Variants in TEP1 observed in about 807,000 individuals in gnomAD.
The protein encoded by TEP1 is telomerase protein component 1.
TEP1 carries 241 observed loss-of-function variants against 306.3 expected under a neutral mutation model. That is an observed-to-expected ratio of 0.79 (90% CI 0.71 to 0.88). The LOEUF is 0.88. Among genes scored for constraint, TEP1 ranks in the 40% least tolerant of loss-of-function variants. The pLI is 0.00. For synonymous variants in TEP1, 1,289 were observed against 1,305.5 expected (o/e 0.99, Z 0.27); for missense variants, 3,051 against 3,276.1 (o/e 0.93, Z 1.68).
chr14:20,378,657 C>T (rs1401658948), intron 37 of TEP1, 97 bp downstream of exon 37: 1 of 1,578,822 alleles, frequency 6.3e-7, no homozygotes, highest in African/African-American at 1.3e-5. Context: ...CTTCTCTGGC[C>T]AGGGAGTCAG....
rs1486006930 is a variant in TEP1, at chr14:20,377,561, T to C, written c.5875+39A>G. The C allele has an allele frequency of 2.5e-6, 4 of 1,613,624 alleles. No individual in the cohort carries two copies. In the African/African-American group the frequency reaches 4.0e-5, roughly 16 times the overall value. ...GGTAGGGGGCAGGGGCTGCGCTCTT[T>C]CTAAAGGCTCAAAAACCCACCCATT... On this transcript the variant is annotated intron_variant, in intron 40 of 54. Coordinates refer to ENST00000262715, the MANE Select transcript of TEP1 (RefSeq NM_007110.5).
chr14:20,408,024 G>A lies in TEP1; in HGVS notation c.416C>T (p.Ala139Val), dbSNP rs142049486. ...QSLQISHMTQ[A>V]DLYRVNNSNC... ...GCTGTTGTTCACACGGTACAAATCA[G>A]CTTGCGTCATGTGAGATATCTGTAG... is the stretch of plus-strand genomic sequence containing the variant. Residue 139 changes from alanine (A) to valine (V), a missense_variant, in exon 2 of 55, where the codon GCT becomes GTT. Transcript: ENST00000262715. 13 of 1,614,196 alleles carry A rather than the reference G, an allele frequency of 8.1e-6. No individual in the cohort carries two copies. The highest frequency in any genetic ancestry group is 1.1e-5 in the Non-Finnish European group (13 of 1,180,044).
intron 17 of TEP1, among the ~76,000 whole-genome samples, chr14:20,388,319 C>CG (rs1312571041): frequency 6.6e-6 from 1 of 152,094 alleles, no homozygotes; most frequent in Non-Finnish European, 1.5e-5. Flanking sequence ...GCTGTTGGGC[C>CG]GGGGCAACGG....
At chr14:20,391,151 T>G (rs1046482310) in intron 13 of TEP1, 55 bp from the exon 14 acceptor site, 3 of 1,587,550 alleles carry the variant, frequency 1.9e-6, no homozygotes, top group Non-Finnish European at 2.6e-6. Flanking sequence ...AATTCACCCT[T>G]GCCCAGCCAG....
At chr14:20,383,952 T>A in intron 24 of TEP1, 34 bp from the exon 25 acceptor site, 1 of 1,591,776 alleles carries the variant, frequency 6.3e-7, no homozygotes, top group Non-Finnish European at 8.5e-7. Flanking sequence ...CATGGTCACA[T>A]TTTACATGCC....
At chr14:20,377,225 AAAAAG>A (rs1196421302) in intron 41 of TEP1, 50 bp downstream of exon 41, 25 of 1,455,752 alleles carry the variant, frequency 1.7e-5, no homozygotes, top group Middle Eastern at 1.8e-4. Flanking sequence ...TAAAAAAAAA[AAAAAG>A]AAAAGAAAAG....
At chr14:20,397,661 T>C (rs1451228321) in intron 9 of TEP1, among the ~76,000 whole-genome samples, 1 of 152,244 alleles carries the variant, frequency 6.6e-6, no homozygotes, top group African/African-American at 2.4e-5. Flanking sequence ...GTGAAAAAGA[T>C]TTGCACTGGA....
chr14:20,396,952 CAGA>C (rs540587691), intron 9 of TEP1, among the ~76,000 whole-genome samples: 145 of 151,568 alleles, frequency 9.6e-4, no homozygotes, highest in Non-Finnish European at 1.4e-3. Context: ...GCAAGAAGTT[CAGA>C]AACCAGGCAT....
Position 20,386,596 on chromosome 14 carries a change from T to C in TEP1, c.2712A>G (p.Ser904=), listed in dbSNP as rs1434905655. Residue 904 remains serine (S), a synonymous_variant, in exon 19 of 55, where the codon TCA becomes TCG. Coordinates refer to ENST00000262715, the MANE Select transcript of TEP1 (RefSeq NM_007110.5). ...QGWRSIRLFI[S]STFRDMHGER... ...CCCCATGCATGTCTCGGAAAGTGGA[T>C]GAAATGAAAAGCCGGATGCTGCGCC... The C allele has an allele frequency of 1.2e-6, 2 of 1,606,476 alleles. No homozygotes were observed. The highest frequency in any genetic ancestry group is 1.7e-6 in the Non-Finnish European group (2 of 1,174,672).
At chr14:20,375,403 C>G (rs1885116581) in intron 43 of TEP1, among the ~76,000 whole-genome samples, 1 of 152,106 alleles carries the variant, frequency 6.6e-6, no homozygotes, top group African/African-American at 2.4e-5. Flanking sequence ...ATCCACTCGC[C>G]TCGGCCTCCC....
In TEP1 at chr14:20,401,593, T is replaced by C. The variant is rs111891244; in HGVS notation, c.1267-12A>G. On this transcript the variant is annotated splice_polypyrimidine_tract_variant and intron_variant, in intron 7 of 54. Transcript: ENST00000262715. ...CCGGCCTTCTCAAACTGTGGAAACATCCCCAAGTCCCACAGGGGTCCTTTC... is the reference window on the plus strand; with the variant it reads ...CCGGCCTTCTCAAACTGTGGAAACACCCCCAAGTCCCACAGGGGTCCTTTC... The C allele has an allele frequency of 2.0e-3, 3,283 of 1,613,802 alleles. 42 individuals are homozygous for C. The African/African-American group carries it at 0.036, about 17-fold the overall frequency.
At position 20,383,279 on chromosome 14, in the gene TEP1, G is replaced by A. The variant is rs142420008; in HGVS notation, c.3942C>T (p.His1314=). Residue 1314 remains histidine, a synonymous_variant, in exon 27 of 55, where the codon CAC becomes CAT. Transcript: ENST00000262715. ...GETLEQSQGA[H]VLALGPLEAS... The stretch of plus-strand genomic sequence containing the variant: ...CCTCCAGAGGCCCCAAGGCCAGCAC[G>A]TGGGCACCCTGGCTCTGCTCAAGGG... 348 of 1,613,670 alleles carry A rather than the reference G, an allele frequency of 2.2e-4. 1 individual carries two copies. The African/African-American group carries it at 2.8e-3, about 13-fold the overall frequency.
intron 12 of TEP1, among the ~76,000 whole-genome samples, chr14:20,393,285 T>C (rs1215554219): frequency 6.6e-6 from 1 of 152,194 alleles, no homozygotes; most frequent in East Asian, 1.9e-4. Context: ...CTGATAGTTT[T>C]ATGAAAGTCT....
chr14:20,392,794 A>G (rs1023734837), intron 12 of TEP1, among the ~76,000 whole-genome samples: 5 of 152,260 alleles, frequency 3.3e-5, no homozygotes, highest in African/African-American at 1.2e-4. Flanking sequence ...TGACATTCTC[A>G]TTGTATAAAA....
At position 20,379,985 on chromosome 14, in the gene TEP1, G is replaced by A; in HGVS notation, c.5072C>T (p.Ala1691Val). 1 of 1,614,176 alleles carries A rather than the reference G, an allele frequency of 6.2e-7. No homozygotes were observed. The change falls in exon 35 of 55, where the codon GCA (alanine) becomes GTA (valine). Residue 1691 changes from alanine to valine, a missense_variant. Ala to Val is a moderately conservative substitution (Grantham distance 64). Around this residue, in one of 3 missense-constraint regions of TEP1, gnomAD observed 1,540 missense variants for 1,705.9 expected, o/e 0.90. Transcript: ENST00000262715. ...AVAFSTNGQR[A>V]AVGTANGTVY... The stretch of plus-strand genomic sequence containing the variant: ...TGTCCCATTGGCAGTGCCCACAGCT[G>A]CTCTTTGCCCATTGGTGGAGAAGGC...
In TEP1 at chr14:20,405,569, AAGCTCAGTAGAGC is replaced by A. The variant is rs1483662565; in HGVS notation, c.739_751del (p.Ala247CysfsTer10). 6.2e-7 allele frequency: 1 copy of A among 1,614,134 alleles called. No individual in the cohort carries two copies. Among genetic ancestry groups the A allele is most frequent in the Admixed American group, 1.7e-5 (1 of 60,016 alleles). On this transcript the variant is annotated frameshift_variant, in exon 4 of 55. Transcript: ENST00000262715. LOFTEE classifies it high-confidence loss of function. ...TTCTGAGACCAGAGTAGAGCACAGC[AAGCTCAGTAGAGC>A]CATCTGGGAATTGAGAAAGAGGGAA...
At chr14:20,409,054 C>T (rs1023238018) in intron 1 of TEP1, among the ~76,000 whole-genome samples, 1 of 152,162 alleles carries the variant, frequency 6.6e-6, no homozygotes, top group African/African-American at 2.4e-5. Context: ...AGCTTCCTTG[C>T]CTCCTATTCA....
Position 20,383,305 on chromosome 14 carries a change from T to A in TEP1, c.3916A>T (p.Thr1306Ser), listed in dbSNP as rs771508631. The change falls in exon 27 of 55, where the codon ACC (threonine) becomes TCC (serine). Residue 1306 changes from threonine (T) to serine (S), a missense_variant. Thr to Ser is a moderately conservative substitution (Grantham distance 58). Transcript: ENST00000262715. The stretch of plus-strand genomic sequence containing the variant: ...TGGGCACCCTGGCTCTGCTCAAGGG[T>A]CTCCCCTAGGCCTGCATCACTAGAC... ...SVSSDAGLGE[T>S]LEQSQGAHVL... is the part of the protein sequence containing the mutation. 1 of 1,611,596 alleles carries A rather than the reference T, an allele frequency of 6.2e-7. No individual in the cohort carries two copies. The highest frequency in any genetic ancestry group is 8.5e-7 in the Non-Finnish European group (1 of 1,178,940).
At chr14:20,384,939 T>C in intron 21 of TEP1, 46 bp downstream of exon 21, 2 of 1,613,436 alleles carry the variant, frequency 1.2e-6, no homozygotes, top group Non-Finnish European at 8.5e-7. Flanking sequence ...CTGGCCTGTC[T>C]GGCCTTTTGG....
Sources: gnomAD v4.1 joint callset for allele counts (sites outside exome capture counted in the v4.1 genomes callset) on GRCh38, gnomAD v4.1.1 for gene constraint, gnomAD v4.1.1 regional missense constraint, MANE v1.5 for transcripts, NCBI Gene and HGNC (gene_info 2026-07-23, HGNC 2026-07-21) for gene names.